Variants in VIPR2 observed in about 807,000 individuals in gnomAD.
The protein encoded by VIPR2 is vasoactive intestinal peptide receptor 2.
VIPR2 carries 48 observed loss-of-function variants against 58.0 expected under a neutral mutation model. The ratio of observed to expected loss-of-function variants is 0.83; its 90% CI spans 0.66 to 1.05. The LOEUF (loss-of-function observed/expected upper bound fraction) is 1.05, where lower values mean the gene tolerates loss of function less well. Ranked by LOEUF, VIPR2 falls within the 50% of genes least tolerant of loss-of-function variation. VIPR2 has a pLI of 0.00. For missense variants in VIPR2, 534 were observed against 558.0 expected (o/e 0.96, Z 0.43); for synonymous variants, 243 against 235.2 (o/e 1.03, Z -0.30).
chr7:159,090,988 C>T (rs1169900629), intron 4 of VIPR2, among the ~76,000 whole-genome samples: 8 of 145,970 alleles, frequency 5.5e-5, no homozygotes, highest in African/African-American at 2.0e-4. Flanking sequence ...CCATTGCAAT[C>T]CCCGGTGACC....
intron 3 of VIPR2, among the ~76,000 whole-genome samples, chr7:159,104,729 G>C (rs1040124243): frequency 3.4e-5 from 5 of 145,198 alleles, no homozygotes; most frequent in Admixed American, 2.0e-4. Context: ...ACGGTGACTG[G>C]GTGCCCCACC....
chr7:159,118,884 G>A (rs1450043586), intron 2 of VIPR2, among the ~76,000 whole-genome samples: 1 of 152,236 alleles, frequency 6.6e-6, no homozygotes, highest in Non-Finnish European at 1.5e-5. Context: ...AGGCCTGGGT[G>A]TGCGGCACAG....
intron 5 of VIPR2, among the ~76,000 whole-genome samples, chr7:159,057,562 AT>A (rs1255424671): frequency 6.6e-6 from 1 of 152,174 alleles, no homozygotes. Context: ...GAAATATTCC[AT>A]TTATCATTGA....
rs1853616612 is a variant in VIPR2, at chr7:159,031,952, G to A, written c.1087C>T (p.Leu363Phe). ...SKYQILFELC[L>F]GSFQGLVVAV... The stretch of plus-strand genomic sequence containing the variant: ...CGCACACCTACCTGGAACGACCCGA[G>A]GCACAGCTCAAACAGTATCTGGTAT... The change falls in exon 11 of 13, where the codon CTC (leucine) becomes TTC (phenylalanine). Residue 363 changes from leucine (L) to phenylalanine (F), a missense_variant. Transcript: ENST00000262178. This position sits in a 1 kb window ranked among gnomAD's most constrained non-coding sequence, Gnocchi z 4.0. 1 of 1,614,192 alleles carries A rather than the reference G, an allele frequency of 6.2e-7. No individual in the cohort carries two copies. The highest frequency in any genetic ancestry group is 1.3e-5 in the African/African-American group (1 of 75,064).
chr7:159,102,615 G>A (rs372243579), intron 4 of VIPR2, among the ~76,000 whole-genome samples: 1 of 152,180 alleles, frequency 6.6e-6, no homozygotes, highest in East Asian at 1.9e-4. Context: ...GTGAGCAAAG[G>A]AGGCCTCTGT....
rs114338395 is a variant in VIPR2, at chr7:159,116,053, G to A, written c.152-6134C>T. Among the ~76,000 whole-genome samples the A allele has an allele frequency of 9.6e-3, 1,463 of 152,302 alleles. 27 individuals carry two copies. Among genetic ancestry groups the A allele is most frequent in the African/African-American group, 0.031 (1,280 of 41,558 alleles). On this transcript the variant is annotated intron_variant, in intron 2 of 12. Coordinates refer to ENST00000262178, the MANE Select transcript of VIPR2 (RefSeq NM_003382.5). ...TGTCCCCACCCTGCTATGTGGCCCC[G>A]TGACCTGTGCTGACCCCTCGGACTG... is the stretch of plus-strand genomic sequence containing the variant.
At chr7:159,032,170 T>C in intron 10 of VIPR2, 103 bp from the exon 11 acceptor site, 1 of 1,461,112 alleles carries the variant, frequency 6.8e-7, no homozygotes, top group Non-Finnish European at 9.3e-7. Flanking sequence ...TGGGAGGGGC[T>C]CCACACCTCC....
intron 2 of VIPR2, among the ~76,000 whole-genome samples, chr7:159,121,349 G>C (rs1200449848): frequency 6.6e-6 from 1 of 152,144 alleles, no homozygotes; most frequent in East Asian, 1.9e-4. Context: ...GGGGATGGGG[G>C]AGAGACATGA....
chr7:159,075,583 C>G (rs560791071), intron 4 of VIPR2, among the ~76,000 whole-genome samples: 127 of 152,140 alleles, frequency 8.3e-4, no homozygotes, highest in African/African-American at 3.0e-3. Flanking sequence ...GGACCCACTG[C>G]ATCAGGGAGT....
chr7:159,060,599 C>G (rs932689223), intron 4 of VIPR2, among the ~76,000 whole-genome samples: 2 of 151,890 alleles, frequency 1.3e-5, no homozygotes, highest in African/African-American at 4.8e-5. Context: ...CTAGCCACCA[C>G]CCTCACCTCA....
intron 3 of VIPR2, among the ~76,000 whole-genome samples, chr7:159,104,512 C>A (rs1036643690): frequency 6.9e-6 from 1 of 144,832 alleles, no homozygotes; most frequent in Non-Finnish European, 1.5e-5. Context: ...CAGCACCCTA[C>A]CTCCTCCTGG....
In VIPR2 at chr7:159,031,485, G is replaced by A. The variant is rs1853580363; in HGVS notation, c.1143+343C>T. 2 of 985,160 alleles carry A rather than the reference G, an allele frequency of 2.0e-6. No individual in the cohort carries two copies. Among genetic ancestry groups the A allele is most frequent in the Non-Finnish European group, 2.4e-6 (2 of 829,908 alleles). The allele number at this position is 985,160 out of a possible 1,614,324, so 61.0% of individuals were successfully genotyped here. A position where few individuals can be genotyped will look rare whatever the true frequency, so the allele number is the denominator to read the frequency against. On this transcript the variant is annotated intron_variant, in intron 12 of 12. Coordinates refer to ENST00000262178, the MANE Select transcript of VIPR2 (RefSeq NM_003382.5). This position sits in a 1 kb window ranked among gnomAD's most constrained non-coding sequence, Gnocchi z 4.0. ...CCCCCCAACCCAGGCCCGGCTTTCT[G>A]GGACTCACAAGCTATGGTCAGGAGC...
At chr7:159,066,003 G>C (rs1479658275) in intron 4 of VIPR2, among the ~76,000 whole-genome samples, 1 of 152,262 alleles carries the variant, frequency 6.6e-6, no homozygotes, top group Non-Finnish European at 1.5e-5. Context: ...TGCTGGGGTA[G>C]GTTTTCCTTT....
chr7:159,072,966 A>G (rs1237541893), intron 4 of VIPR2, among the ~76,000 whole-genome samples: 1 of 152,222 alleles, frequency 6.6e-6, no homozygotes, highest in Non-Finnish European at 1.5e-5. Context: ...AACACCAATA[A>G]CCAGAAGAGC....
At chr7:159,066,972 T>A (rs1198333011) in intron 4 of VIPR2, among the ~76,000 whole-genome samples, 1 of 152,146 alleles carries the variant, frequency 6.6e-6, no homozygotes, top group Non-Finnish European at 1.5e-5. Context: ...CTCCTGTGAG[T>A]GGGCACTGGC....
intron 2 of VIPR2, 105 bp downstream of exon 2, chr7:159,142,337 CTTTT>C (rs71302077): frequency 4.8e-6 from 3 of 630,184 alleles, no homozygotes; most frequent in Non-Finnish European, 5.3e-6. Flanking sequence ...CTTTCTTTTT[CTTTT>C]TTTTTTTTTA....
intron 10 of VIPR2, among the ~76,000 whole-genome samples, chr7:159,032,542 G>A (rs1199598627): frequency 3.3e-5 from 5 of 152,210 alleles, no homozygotes; most frequent in Non-Finnish European, 7.3e-5. Context: ...TGGGAGCCAG[G>A]TCCCTCAGTC....
intron 4 of VIPR2, among the ~76,000 whole-genome samples, chr7:159,073,606 A>C (rs77587218): frequency 0.013 from 2,045 of 152,194 alleles, 28 homozygotes; most frequent in Admixed American, 0.029. Context: ...ACAGGGTTAC[A>C]TCATGTTACC....
Position 159,030,431 on chromosome 7 carries a change from G to T in VIPR2, c.*185C>A. On this transcript the variant is annotated 3_prime_UTR_variant, in exon 13 of 13. Coordinates refer to ENST00000262178, the MANE Select transcript of VIPR2 (RefSeq NM_003382.5). ...ATCTAAATGCTGGAGTTTAAATCGAGTCAATGACAACACGACTCCAATTCC... is the reference window on the plus strand; with the variant it reads ...ATCTAAATGCTGGAGTTTAAATCGATTCAATGACAACACGACTCCAATTCC... The T allele has an allele frequency of 1.7e-6, 1 of 598,962 alleles. No homozygotes were observed. The highest frequency in any genetic ancestry group is 2.7e-6 in the Non-Finnish European group (1 of 375,456). 37.1% of individuals were successfully genotyped at this position (598,962 alleles called of 1,614,324 possible).
Sources: allele counts gnomAD v4.1 joint callset (sites outside exome capture counted in the v4.1 genomes callset), GRCh38; gene constraint gnomAD v4.1.1; non-coding constraint Gnocchi (gnomAD v3.1); transcripts MANE v1.5; gene names NCBI Gene and HGNC (gene_info 2026-07-23, HGNC 2026-07-21).